The following FUT8 variants were observed in gnomAD, a reference collection of about 807,000 sequenced individuals.
FUT8 encodes the protein alpha-(1,6)-fucosyltransferase.
Under a neutral mutation model 71.3 loss-of-function variants are expected in FUT8, and 29 were observed. The observed-to-expected ratio is 0.41, with a 90% CI of 0.30 to 0.55. FUT8 has a LOEUF of 0.55. Ranked by LOEUF, FUT8 falls within the 20% of genes least tolerant of loss-of-function variation. FUT8 has a pLI of 0.34. For synonymous variants in FUT8, 254 were observed against 239.3 expected (o/e 1.06, Z -0.57); for missense variants, 544 against 702.1 (o/e 0.77, Z 2.55).
At position 65,425,268 on chromosome 14, in the gene FUT8, C is replaced by A. The variant is rs544442150; in HGVS notation, c.-326+12054C>A. ...ACAACCTCCACCTCCTGGGTTCAAG[C>A]GATTCTCCTGCCTCAGCCTCCCAAG... On this transcript the variant is annotated intron_variant, in intron 1 of 10. Transcript: ENST00000673929. 2.0e-5 allele frequency among the ~76,000 whole-genome samples: 3 copies of A among 151,702 alleles called. No individual in the cohort carries two copies. In the East Asian group the frequency reaches 5.8e-4, roughly 30 times the overall value.
At chr14:65,375,067 G>C in the FUT8 span, among the ~76,000 whole-genome samples, 125 of 152,232 alleles carry the variant, frequency 8.2e-4, 1 homozygote, top group Non-Finnish European at 1.5e-3. Context: ...TAAACACAGG[G>C]GTGGGGTGGT....
chr14:65,732,235 A>T (rs1487706440), intron 9 of FUT8, among the ~76,000 whole-genome samples: 1 of 152,212 alleles, frequency 6.6e-6, no homozygotes, highest in East Asian at 1.9e-4. Flanking sequence ...TACAGAGGCA[A>T]TGAGGGAAAG....
intron 2 of FUT8, among the ~76,000 whole-genome samples, chr14:65,559,998 A>C (rs1001165729): frequency 6.6e-6 from 1 of 152,204 alleles, no homozygotes; most frequent in Non-Finnish European, 1.5e-5. Context: ...GTAAATCAGT[A>C]ACATTAAGGT....
chr14:65,619,989 A>C (rs1194318844), intron 5 of FUT8, among the ~76,000 whole-genome samples: 1 of 152,178 alleles, frequency 6.6e-6, no homozygotes, highest in Non-Finnish European at 1.5e-5. Flanking sequence ...ACCTCTAAGC[A>C]TATCATGGAG....
Position 65,680,171 on chromosome 14 carries a change from G to C in FUT8, c.835+10691G>C, listed in dbSNP as rs1892969108. ...AGCTGGAGACCCAGGAAAGCCAGTA[G>C]TGTATTATAGTTGAAAGGCCAGACA... On this transcript the variant is annotated intron_variant, in intron 7 of 10. Transcript: ENST00000673929. Among the ~76,000 whole-genome samples the C allele has an allele frequency of 2.6e-5, 4 of 152,340 alleles. 1 individual carries two copies. Among genetic ancestry groups the C allele is most frequent in the Admixed American group, 2.6e-4 (4 of 15,298 alleles).
At chr14:65,559,215 T>C (rs968711199) in intron 2 of FUT8, among the ~76,000 whole-genome samples, 6 of 152,168 alleles carry the variant, frequency 3.9e-5, no homozygotes, top group African/African-American at 9.6e-5. Context: ...AGTTGTCTGT[T>C]TTCTGCGTTA....
intron 9 of FUT8, among the ~76,000 whole-genome samples, chr14:65,726,526 A>G (rs952128482): frequency 6.6e-6 from 1 of 152,176 alleles, no homozygotes; most frequent in African/African-American, 2.4e-5. Context: ...AAACCATTAG[A>G]TCTTGTGAGA....
At chr14:65,691,577 A>G (rs531436566) in intron 7 of FUT8, among the ~76,000 whole-genome samples, 99 of 152,264 alleles carry the variant, frequency 6.5e-4, no homozygotes, top group Admixed American at 2.2e-3. Context: ...ATAAATTCCA[A>G]TTGGTCATAG....
chr14:65,388,914 T>A, the FUT8 span, among the ~76,000 whole-genome samples: 37 of 152,168 alleles, frequency 2.4e-4, no homozygotes, highest in Middle Eastern at 3.4e-3. Flanking sequence ...TGAAATTTTT[T>A]AAAATATAAA....
intron 6 of FUT8, among the ~76,000 whole-genome samples, chr14:65,644,088 C>T (rs183060035): frequency 8.5e-4 from 129 of 152,066 alleles, no homozygotes; most frequent in Non-Finnish European, 1.5e-3. Context: ...ATTTCTTCTT[C>T]CATAATAGTG....
chr14:65,379,915 G>A, the FUT8 span, among the ~76,000 whole-genome samples: 1 of 152,140 alleles, frequency 6.6e-6, no homozygotes, highest in Non-Finnish European at 1.5e-5. Context: ...GGGCAAAAAG[G>A]GCCTTAGCTA....
intron 5 of FUT8, among the ~76,000 whole-genome samples, chr14:65,623,439 G>A (rs1314376177): frequency 6.6e-6 from 1 of 151,950 alleles, no homozygotes; most frequent in Non-Finnish European, 1.5e-5. Context: ...TCTACTTGGC[G>A]GGGCGCGGTG....
At chr14:65,714,985 T>A (rs1196026182) in intron 7 of FUT8, among the ~76,000 whole-genome samples, 1 of 152,218 alleles carries the variant, frequency 6.6e-6, no homozygotes, top group East Asian at 1.9e-4. Flanking sequence ...TTGTAGAATC[T>A]TTAGGTTTTT....
the FUT8 span, among the ~76,000 whole-genome samples, chr14:65,400,115 AC>A: frequency 2.6e-5 from 4 of 152,220 alleles, no homozygotes; most frequent in African/African-American, 9.6e-5. Context: ...GGATTGGAAG[AC>A]CTGAATTCTA....
At chr14:65,684,796 A>G (rs1450603588) in intron 7 of FUT8, among the ~76,000 whole-genome samples, 2 of 152,212 alleles carry the variant, frequency 1.3e-5, no homozygotes, top group African/African-American at 4.8e-5. Flanking sequence ...GCCTTCCACC[A>G]TGATTGTAAG....
At chr14:65,361,911 ATGT>A in the FUT8 span, among the ~76,000 whole-genome samples, 1 of 152,146 alleles carries the variant, frequency 6.6e-6, no homozygotes, top group East Asian at 1.9e-4. Flanking sequence ...ATCGCTGGGA[ATGT>A]TGTGGTAGAT....
the FUT8 span, among the ~76,000 whole-genome samples, chr14:65,395,999 C>A: frequency 2.0e-5 from 3 of 152,186 alleles, no homozygotes; most frequent in African/African-American, 7.2e-5. Context: ...AGGGCAGGGG[C>A]AAAATGTCAT....
At chr14:65,623,127 G>A (rs1889714988) in intron 5 of FUT8, among the ~76,000 whole-genome samples, 1 of 152,090 alleles carries the variant, frequency 6.6e-6, no homozygotes, top group Admixed American at 6.5e-5. Context: ...CTGTGCTCAA[G>A]TGATCCTTCT....
rs891632741 is a variant in FUT8 at position 65,660,630 on chromosome 14, G to A, written c.598-8613G>A. ...GCTATTGTGTTGTCCTTACTACTTG[G>A]TACAGATTAGATTGTTCTTTGCTAG... On this transcript the variant is annotated intron_variant, in intron 6 of 10. Transcript: ENST00000673929. This position sits in a 1 kb window ranked among gnomAD's most constrained non-coding sequence, Gnocchi z 4.1. Among the ~76,000 whole-genome samples, 24 of 152,104 alleles carry A rather than the reference G, an allele frequency of 1.6e-4. No individual in the cohort carries two copies. Among genetic ancestry groups the A allele is most frequent in the African/African-American group, 5.8e-4 (24 of 41,430 alleles).
Sources: allele counts gnomAD v4.1 joint callset (sites outside exome capture counted in the v4.1 genomes callset), GRCh38; gene constraint gnomAD v4.1.1; non-coding constraint Gnocchi (gnomAD v3.1); transcripts MANE v1.5; gene names NCBI Gene and HGNC (gene_info 2026-07-23, HGNC 2026-07-21).